The following ALDH8A1 variants were observed in gnomAD, a reference collection of about 807,000 sequenced individuals.
ALDH8A1 encodes the protein aldehyde dehydrogenase 8 family member A1.
Under a neutral mutation model 43.3 loss-of-function variants are expected in ALDH8A1, and 39 were observed. The observed-to-expected ratio is 0.90, with a 90% CI of 0.70 to 1.18. The LOEUF is 1.18. Among genes scored for constraint, ALDH8A1 ranks in the 50% most tolerant of loss-of-function variants. The pLI, the probability that ALDH8A1 is intolerant of heterozygous loss-of-function variation, is 0.00. For synonymous variants in ALDH8A1, 233 were observed against 243.5 expected (o/e 0.96, Z 0.40); for missense variants, 605 against 622.6 (o/e 0.97, Z 0.30).
intron 4 of ALDH8A1, among the ~76,000 whole-genome samples, chr6:134,937,192 T>C (rs1048675927): frequency 6.6e-6 from 1 of 152,210 alleles, no homozygotes; most frequent in African/African-American, 2.4e-5. Flanking sequence ...AAAAATGAGT[T>C]TATTTTAAAG....
At chr6:134,935,508 T>C (rs1161215562) in intron 4 of ALDH8A1, among the ~76,000 whole-genome samples, 2 of 152,248 alleles carry the variant, frequency 1.3e-5, no homozygotes, top group Non-Finnish European at 2.9e-5. Context: ...ATCATCTTTA[T>C]AATATCCAAA....
chr6:134,942,639 G>GT, intron 2 of ALDH8A1, 75 bp from the exon 3 acceptor site: 1 of 1,446,914 alleles, frequency 6.9e-7, no homozygotes, highest in South Asian at 1.4e-5. Flanking sequence ...CTGCCCACGC[G>GT]TCCCAACTCA....
intron 5 of ALDH8A1, among the ~76,000 whole-genome samples, chr6:134,930,683 T>G (rs1041699776): frequency 6.6e-6 from 1 of 152,216 alleles, no homozygotes; most frequent in Non-Finnish European, 1.5e-5. Context: ...AAACACTTGA[T>G]AGTTTCATTT....
intron 4 of ALDH8A1, among the ~76,000 whole-genome samples, chr6:134,938,357 C>T (rs1488570450): frequency 6.6e-6 from 1 of 152,234 alleles, no homozygotes; most frequent in Non-Finnish European, 1.5e-5. Context: ...CAGAACAAAA[C>T]CAGGAGCGCA....
intron 2 of ALDH8A1, 117 bp from the exon 3 acceptor site, chr6:134,942,681 G>A: frequency 2.0e-6 from 2 of 1,024,238 alleles, no homozygotes; most frequent in Non-Finnish European, 1.4e-6. Context: ...TTCTAGCCCG[G>A]GGCAGGCATT....
chr6:134,921,094 T>C (rs879639054), intron 6 of ALDH8A1, among the ~76,000 whole-genome samples: 3 of 152,166 alleles, frequency 2.0e-5, no homozygotes, highest in Non-Finnish European at 4.4e-5. Flanking sequence ...CAGCCTCTGT[T>C]GTTATTGATG....
chr6:134,921,991 G>C (rs1776809672), intron 6 of ALDH8A1, among the ~76,000 whole-genome samples: 1 of 152,268 alleles, frequency 6.6e-6, no homozygotes, highest in East Asian at 1.9e-4. Flanking sequence ...TGAGCTGAAA[G>C]CCTCATGAGG....
At position 134,950,039 on chromosome 6, in the gene ALDH8A1, G is replaced by A. The variant is rs551844395; in HGVS notation, c.15C>T (p.Asn5=). The A allele has an allele frequency of 1.2e-4, 196 of 1,611,700 alleles. No homozygotes were observed. The East Asian group carries it at 2.6e-3, about 22-fold the overall frequency. MAGT[N]ALLMLENFID... The stretch of plus-strand genomic sequence containing the variant: ...TGAAGTTTTCCAGCATCAAAAGTGC[G>A]TTTGTTCCAGCCATAGCAAGGAAAA... Residue 5 remains asparagine (N), a synonymous_variant, in exon 1 of 7, where the codon AAC becomes AAT. Transcript: ENST00000265605.
At chr6:134,920,885 G>A (rs997531867) in intron 6 of ALDH8A1, among the ~76,000 whole-genome samples, 6 of 152,152 alleles carry the variant, frequency 3.9e-5, no homozygotes, top group South Asian at 2.1e-4. Context: ...AGAGTAACCC[G>A]AGAGCCAAGC....
intron 4 of ALDH8A1, 63 bp downstream of exon 4, chr6:134,939,203 T>C (rs1001999670): frequency 3.8e-6 from 6 of 1,584,452 alleles, no homozygotes; most frequent in African/African-American, 2.7e-5. Context: ...GAGTGGAAGA[T>C]TTCTATAAAC....
In ALDH8A1 at chr6:134,948,978, G is replaced by C. The variant is rs187887091; in HGVS notation, c.138+938C>G. 7.2e-5 allele frequency among the ~76,000 whole-genome samples: 11 copies of C among 152,112 alleles called. No homozygotes were observed. The East Asian group carries it at 1.9e-3, about 27-fold the overall frequency. On this transcript the variant is annotated intron_variant, in intron 1 of 6. Transcript: ENST00000265605. ...TTAACCAATGCATTAACCAACATTT[G>C]CAAACATTAATCCCTAAGTCTGAAG... is the stretch of plus-strand genomic sequence containing the variant.
At chr6:134,940,213 AC>A in intron 3 of ALDH8A1, 2 of 363,006 alleles carry the variant, frequency 5.5e-6, no homozygotes, top group South Asian at 4.2e-5. Flanking sequence ...CTGCACGTGT[AC>A]CCTGGAACTT....
intron 3 of ALDH8A1, among the ~76,000 whole-genome samples, chr6:134,940,870 CCTAGGAGGA>C (rs1416072768): frequency 3.9e-5 from 6 of 152,276 alleles, no homozygotes; most frequent in African/African-American, 1.4e-4. Context: ...TAGCACACTT[CCTAGGAGGA>C]GGTAGAGCTT....
At chr6:134,942,902 A>G (rs1773882941) in intron 2 of ALDH8A1, among the ~76,000 whole-genome samples, 1 of 152,250 alleles carries the variant, frequency 6.6e-6, no homozygotes, top group African/African-American at 2.4e-5. Context: ...TACCTGCGAC[A>G]AAGGCATTGA....
chr6:134,944,147 A>C (rs1773911266), intron 1 of ALDH8A1, 181 bp from the exon 2 acceptor site: 1 of 692,588 alleles, frequency 1.4e-6, no homozygotes, highest in Admixed American at 3.4e-5. Context: ...GGCTCACTGC[A>C]ACCTCTGCCT....
At chr6:134,922,444 A>G (rs1460320352) in intron 6 of ALDH8A1, among the ~76,000 whole-genome samples, 4 of 151,848 alleles carry the variant, frequency 2.6e-5, no homozygotes, top group Non-Finnish European at 4.4e-5. Context: ...CTGGAGTGCA[A>G]TGGTGTGATC....
At chr6:134,921,820 T>C (rs1170081793) in intron 6 of ALDH8A1, among the ~76,000 whole-genome samples, 1 of 152,220 alleles carries the variant, frequency 6.6e-6, no homozygotes, top group Non-Finnish European at 1.5e-5. Context: ...TTAGGAAAGA[T>C]GACTGTCAGC....
chr6:134,939,685 A>G (rs1203316691), intron 3 of ALDH8A1, among the ~76,000 whole-genome samples: 2 of 152,204 alleles, frequency 1.3e-5, no homozygotes, highest in Non-Finnish European at 2.9e-5. Context: ...AGCAATATAA[A>G]CTCCAGAGCT....
chr6:134,944,432 G>T (rs1773917293), intron 1 of ALDH8A1, among the ~76,000 whole-genome samples: 1 of 152,110 alleles, frequency 6.6e-6, no homozygotes, highest in Non-Finnish European at 1.5e-5. Flanking sequence ...GATGACACAG[G>T]TGTTTACATG....
Sources: gnomAD v4.1 joint callset for allele counts (sites outside exome capture counted in the v4.1 genomes callset) on GRCh38, gnomAD v4.1.1 for gene constraint, MANE v1.5 for transcripts, NCBI Gene and HGNC (gene_info 2026-07-23, HGNC 2026-07-21) for gene names.